MUL1: variants seen among roughly 807,000 people sequenced by gnomAD.
The protein encoded by MUL1 is mitochondrial ubiquitin ligase activator of NFKB 1.
Under a neutral mutation model 34.1 loss-of-function variants are expected in MUL1, and 30 were observed. The observed-to-expected ratio is 0.88, with a 90% CI of 0.66 to 1.19. The LOEUF is 1.19. Ranked by LOEUF, MUL1 falls within the 50% of genes most tolerant of loss-of-function variation. The probability of loss-of-function intolerance (pLI) is 0.00; values close to 1 mark genes in which losing one functional copy is unlikely to be tolerated. For missense variants in MUL1, 419 were observed against 450.5 expected (o/e 0.93, Z 0.63); for synonymous variants, 191 against 187.8 (o/e 1.02, Z -0.14).
At chr1:20,506,849 CA>C (rs58728412) in intron 1 of MUL1, among the ~76,000 whole-genome samples, 23 of 95,572 alleles carry the variant, frequency 2.4e-4, no homozygotes, top group Admixed American at 4.3e-4. Context: ...GACTCCGTCT[CA>C]AAAAAAAAAA....
intron 1 of MUL1, 66 bp downstream of exon 1, chr1:20,507,839 T>A: frequency 3.2e-6 from 5 of 1,545,876 alleles, no homozygotes; most frequent in Non-Finnish European, 4.4e-6. Context: ...CCAAGGTGAA[T>A]CATGGGCTCC....
chr1:20,508,117 C>G lies in MUL1; in HGVS notation c.-93G>C, dbSNP rs6700034. 248 of 1,466,654 alleles carry G rather than the reference C, an allele frequency of 1.7e-4. No homozygotes were observed. In the African/African-American group the frequency reaches 1.7e-3, roughly 10 times the overall value. The allele number at this position is 1,466,654 out of a possible 1,614,324, so 90.9% of individuals were successfully genotyped here. A position where few individuals can be genotyped will look rare whatever the true frequency, so the allele number is the denominator to read the frequency against. Reference sequence around the variant, plus strand: ...CTCCTTCCGACCAGGACCGCACCCCCCCGGCCTAACCTGACCGGAAACTCG... The same window carrying G: ...CTCCTTCCGACCAGGACCGCACCCCGCCGGCCTAACCTGACCGGAAACTCG... On this transcript the variant is annotated 5_prime_UTR_variant, in exon 1 of 4. Coordinates refer to ENST00000264198, the MANE Select transcript of MUL1 (RefSeq NM_024544.3).
chr1:20,506,922 A>G (rs529361328), intron 1 of MUL1, among the ~76,000 whole-genome samples: 31 of 152,126 alleles, frequency 2.0e-4, no homozygotes, highest in African/African-American at 7.0e-4. Flanking sequence ...GTTAAGAAAA[A>G]AATAAAATCA....
intron 1 of MUL1, among the ~76,000 whole-genome samples, chr1:20,505,582 C>CAAAAAAAAAAAAAAAAAAAAAAAAAAA (rs11338654): frequency 3.5e-5 from 2 of 57,158 alleles, no homozygotes; most frequent in South Asian, 8.4e-4. Flanking sequence ...GACCATGTCT[C>CAAAAAAAAAAAAAAAAAAAAAAAAAAA]AAAAAAAAAA....
intron 1 of MUL1, among the ~76,000 whole-genome samples, chr1:20,505,188 T>C (rs2051701114): frequency 6.6e-6 from 1 of 152,310 alleles, no homozygotes; most frequent in South Asian, 2.1e-4. Context: ...GCCCGGGGGC[T>C]GGCACATAGG....
Position 20,508,007 on chromosome 1 carries a change from C to A in MUL1, c.18G>T (p.Arg6=). 6.3e-7 allele frequency: 1 copy of A among 1,585,178 alleles called. No homozygotes were observed. The highest frequency in any genetic ancestry group is 8.6e-7 in the Non-Finnish European group (1 of 1,167,218). Residue 6 remains arginine, a synonymous_variant, in exon 1 of 4, where the codon CGG becomes CGT. Transcript: ENST00000264198. The stretch of plus-strand genomic sequence containing the variant: ...GGAGGATGAACTGGCACAGCGAGGG[C>A]CGCCCTCCGCTCTCCATGACGGCGG... MESGG[R]PSLCQFILLG... is the part of the protein sequence containing the mutation.
intron 2 of MUL1, among the ~76,000 whole-genome samples, chr1:20,502,829 T>TA (rs1389356249): frequency 1.3e-5 from 2 of 151,958 alleles, no homozygotes; most frequent in African/African-American, 2.4e-5. Flanking sequence ...CTACCACACC[T>TA]GGCCTCAAAA....
In MUL1 at chr1:20,506,011, C is replaced by T. The variant is rs144352813; in HGVS notation, c.120+1894G>A. The stretch of plus-strand genomic sequence containing the variant: ...CGCCACTGCACAGCAAATCCAATTG[C>T]CTCATAACTTGGTTCTTTCCAGATT... On this transcript the variant is annotated intron_variant, in intron 1 of 3. Transcript: ENST00000264198. Among the ~76,000 whole-genome samples, 402 of 152,288 alleles carry T rather than the reference C, an allele frequency of 2.6e-3. 3 individuals carry two copies. The highest frequency in any genetic ancestry group is 9.1e-3 in the African/African-American group (380 of 41,562).
In MUL1 at chr1:20,501,050, C is replaced by T; in HGVS notation, c.699G>A (p.Gln233=). The T allele has an allele frequency of 6.2e-7, 1 of 1,614,200 alleles. No individual in the cohort carries two copies. ...CCTTCCAGAGCCTGACGCTCGACTCCTGCCTCTGCAGCAGGCTGTCGAAGT... is the reference window on the plus strand; with the variant it reads ...CCTTCCAGAGCCTGACGCTCGACTCTTGCCTCTGCAGCAGGCTGTCGAAGT... ...SQDFDSLLQR[Q]ESSVRLWKVL... The change falls in exon 4 of 4, where the codon CAG becomes CAA. Residue 233 remains glutamine (Q), a synonymous_variant. Coordinates refer to ENST00000264198, the MANE Select transcript of MUL1 (RefSeq NM_024544.3). The surrounding 1 kb of genome is among the most constrained non-coding windows in gnomAD (Gnocchi z 4.2).
intron 1 of MUL1, among the ~76,000 whole-genome samples, chr1:20,506,523 A>G (rs2051715304): frequency 6.6e-6 from 1 of 152,186 alleles, no homozygotes; most frequent in African/African-American, 2.4e-5. Flanking sequence ...CTGATTTGCA[A>G]TGTGGTGGTA....
At chr1:20,504,509 A>G (rs2051694273) in intron 1 of MUL1, among the ~76,000 whole-genome samples, 1 of 152,238 alleles carries the variant, frequency 6.6e-6, no homozygotes, top group African/African-American at 2.4e-5. Context: ...TACAAGATGT[A>G]TATGAAGGTC....
intron 1 of MUL1, 26 bp from the exon 2 acceptor site, chr1:20,503,335 A>C (rs747212091): frequency 7.1e-7 from 1 of 1,406,650 alleles, no homozygotes; most frequent in East Asian, 2.4e-5. Flanking sequence ...AAATTAAATT[A>C]ATTGGCCATT....
intron 1 of MUL1, among the ~76,000 whole-genome samples, chr1:20,507,059 G>A (rs1308957215): frequency 6.6e-6 from 1 of 151,648 alleles, no homozygotes; most frequent in Non-Finnish European, 1.5e-5. Context: ...GAAACCCTGT[G>A]TCTACTAAAA....
At chr1:20,505,076 T>G (rs532107351) in intron 1 of MUL1, among the ~76,000 whole-genome samples, 1 of 152,290 alleles carries the variant, frequency 6.6e-6, no homozygotes, top group East Asian at 1.9e-4. Flanking sequence ...GACAACTTCA[T>G]TTATCTGAGT....
At position 20,503,325 on chromosome 1, in the gene MUL1, A is replaced by T; in HGVS notation, c.121-16T>A. ...TTTTAGCTCCCTAAATAAAAAAAAA[A>T]AATTAAATTAATTGGCCATTGAACA... On this transcript the variant is annotated splice_polypyrimidine_tract_variant and intron_variant, in intron 1 of 3. Coordinates refer to ENST00000264198, the MANE Select transcript of MUL1 (RefSeq NM_024544.3). 6.7e-7 allele frequency: 1 copy of T among 1,502,394 alleles called. No individual in the cohort carries two copies. The highest frequency in any genetic ancestry group is 9.1e-7 in the Non-Finnish European group (1 of 1,104,118). The allele number at this position is 1,502,394 out of a possible 1,614,324, so 93.1% of individuals were successfully genotyped here.
chr1:20,505,827 A>AAT (rs2051709083), intron 1 of MUL1, among the ~76,000 whole-genome samples: 1 of 152,310 alleles, frequency 6.6e-6, no homozygotes, highest in African/African-American at 2.4e-5. Context: ...ATGAGACCTA[A>AAT]AGAGTTCACT....
In MUL1 at chr1:20,503,646, A is replaced by G. The variant is rs146801643; in HGVS notation, c.121-337T>C. On this transcript the variant is annotated intron_variant, in intron 1 of 3. Coordinates refer to ENST00000264198, the MANE Select transcript of MUL1 (RefSeq NM_024544.3). ...CATACCACAGACTGAACATCATTCA[A>G]TCTCTTCCTGACAACACAGAGCTAT... 2.6e-3 allele frequency among the ~76,000 whole-genome samples: 402 copies of G among 152,334 alleles called. 3 individuals carry two copies. Among genetic ancestry groups the G allele is most frequent in the African/African-American group, 9.1e-3 (380 of 41,574 alleles).
intron 1 of MUL1, among the ~76,000 whole-genome samples, chr1:20,505,013 G>T (rs1372619213): frequency 6.6e-6 from 1 of 152,168 alleles, no homozygotes; most frequent in Non-Finnish European, 1.5e-5. Context: ...GGGAGAATAT[G>T]ATCAGAAAGA....
intron 1 of MUL1, among the ~76,000 whole-genome samples, chr1:20,505,670 A>G (rs1447985066): frequency 1.3e-5 from 2 of 151,890 alleles, no homozygotes; most frequent in African/African-American, 2.4e-5. Flanking sequence ...GCCAAAGAGA[A>G]AGAAAAGGAA....
Sources: allele counts gnomAD v4.1 joint callset (sites outside exome capture counted in the v4.1 genomes callset), GRCh38; gene constraint gnomAD v4.1.1; non-coding constraint Gnocchi (gnomAD v3.1); transcripts MANE v1.5; gene names NCBI Gene and HGNC (gene_info 2026-07-23, HGNC 2026-07-21).